KCNQ1OT1: variants seen among roughly 807,000 people sequenced by gnomAD.
KCNQ1OT1 encodes KCNQ1 opposite strand/antisense transcript 1, also known as KCNQ1 antisense RNA 2 (non-protein coding).
Position 2,683,276 on chromosome 11 carries a change from G to A in KCNQ1OT1, n.16719C>T, listed in dbSNP as rs1369030426. On this transcript the variant is annotated non_coding_transcript_exon_variant, in exon 1 of 1. Transcript: ENST00000597346. This position sits in a 1 kb window ranked among gnomAD's most constrained non-coding sequence, Gnocchi z 4.7. ...TCCAGAACCTGTCAGCCTGAGTATGGGCAATGGCGTTTTAGTTTGCAAAAC... is the reference window on the plus strand; with the variant it reads ...TCCAGAACCTGTCAGCCTGAGTATGAGCAATGGCGTTTTAGTTTGCAAAAC... The A allele has an allele frequency of 2.5e-6, 1 of 398,416 alleles. No homozygotes were observed. Among genetic ancestry groups the A allele is most frequent in the East Asian group, 3.6e-5 (1 of 28,074 alleles). 24.7% of individuals were successfully genotyped at this position (398,416 alleles called of 1,614,324 possible). A position where few individuals can be genotyped will look rare whatever the true frequency, so the allele number is the denominator to read the frequency against.
exon 1 of KCNQ1OT1, chr11:2,630,746 G>C (rs1263051864): frequency 5.0e-6 from 2 of 398,206 alleles, no homozygotes; most frequent in African/African-American, 4.1e-5. Flanking sequence ...ACTCCCTCTG[G>C]CATATCTTGT....
At chr11:2,641,770 A>G in exon 1 of KCNQ1OT1, 2 of 398,424 alleles carry the variant, frequency 5.0e-6, no homozygotes, top group Non-Finnish European at 4.4e-6. Flanking sequence ...TTATAGTTTC[A>G]TGCCTCATGT....
At chr11:2,630,331 T>G (rs1198390372) in exon 1 of KCNQ1OT1, 1 of 398,186 alleles carries the variant, frequency 2.5e-6, no homozygotes, top group African/African-American at 2.1e-5. Context: ...GTTGAAAATT[T>G]TTAAATGTAT....
At position 2,698,265 on chromosome 11, in the gene KCNQ1OT1, C is replaced by T. The variant is rs1179947993; in HGVS notation, n.1730G>A. On this transcript the variant is annotated non_coding_transcript_exon_variant, in exon 1 of 1. Transcript: ENST00000597346. The surrounding 1 kb of genome is among the most constrained non-coding windows in gnomAD (Gnocchi z 5.1). ...GAAAGTTTTTATACTTTGTGATAAT[C>T]TAAGACAGAACTATTCTACCTGGAT... is the stretch of plus-strand genomic sequence containing the variant. 7.5e-6 allele frequency: 3 copies of T among 398,518 alleles called. No homozygotes were observed. The highest frequency in any genetic ancestry group is 1.3e-5 in the Non-Finnish European group (3 of 226,070). 24.7% of individuals were successfully genotyped at this position (398,518 alleles called of 1,614,324 possible).
Position 2,621,226 on chromosome 11 carries a change from C to CTGT in KCNQ1OT1, n.78768_78769insACA, listed in dbSNP as rs1849166853. The CTGT allele has an allele frequency of 1.8e-5, 7 of 397,888 alleles. No individual in the cohort carries two copies. The highest frequency in any genetic ancestry group is 4.4e-5 in the Admixed American group (1 of 22,708). The allele number at this position is 397,888 out of a possible 1,614,324, so 24.6% of individuals were successfully genotyped here. On this transcript the variant is annotated non_coding_transcript_exon_variant, in exon 1 of 1. Transcript: ENST00000597346. This position sits in a 1 kb window ranked among gnomAD's most constrained non-coding sequence, Gnocchi z 5.7. Reference sequence around the variant, plus strand: ...TACCTGACCCCAGATGATCCACGCACCTCAGCCTCCCAAAGTGCTAGGACT... The same window carrying CTGT: ...TACCTGACCCCAGATGATCCACGCACTGTCTCAGCCTCCCAAAGTGCTAGGACT...
rs185302501 is a variant in KCNQ1OT1, at chr11:2,627,871, C to T, written n.72124G>A. 507 of 398,768 alleles carry T rather than the reference C, an allele frequency of 1.3e-3. 3 individuals are homozygous for T. Among genetic ancestry groups the T allele is most frequent in the Admixed American group, 2.1e-3 (47 of 22,742 alleles). The allele number at this position is 398,768 out of a possible 1,614,324, so 24.7% of individuals were successfully genotyped here. ...GCTCAAGTGATCCTCCTGCCTCAGC[C>T]TCCTGAGTAGCTGGGACCACAGTCA... On this transcript the variant is annotated non_coding_transcript_exon_variant, in exon 1 of 1. Coordinates refer to ENST00000597346, the Ensembl canonical transcript of KCNQ1OT1. This position sits in a 1 kb window ranked among gnomAD's most constrained non-coding sequence, Gnocchi z 4.9.
chr11:2,694,274 A>G (rs1299930401), exon 1 of KCNQ1OT1: 2 of 398,578 alleles, frequency 5.0e-6, no homozygotes, highest in Non-Finnish European at 8.8e-6. Flanking sequence ...GAGCCACAGC[A>G]GAGACACCAT....
At chr11:2,685,391 A>G (rs892237417) in exon 1 of KCNQ1OT1, 4 of 398,558 alleles carry the variant, frequency 1.0e-5, no homozygotes, top group Non-Finnish European at 1.8e-5. Context: ...GGCAGGGGAT[A>G]GATGTGTTTC....
At position 2,670,971 on chromosome 11, in the gene KCNQ1OT1, C is replaced by T. The variant is rs1039928310; in HGVS notation, n.29024G>A. On this transcript the variant is annotated non_coding_transcript_exon_variant, in exon 1 of 1. Coordinates refer to ENST00000597346, the Ensembl canonical transcript of KCNQ1OT1. The surrounding 1 kb of genome is among the most constrained non-coding windows in gnomAD (Gnocchi z 4.9). ...TGCCTTCTTATGGTGCCCCAGAGCC[C>T]CTGGCTAGGCATTCATGCTTTAGAT... The T allele has an allele frequency of 7.5e-6, 3 of 398,502 alleles. No individual in the cohort carries two copies. The highest frequency in any genetic ancestry group is 6.2e-5 in the African/African-American group (3 of 48,616). 24.7% of individuals were successfully genotyped at this position (398,502 alleles called of 1,614,324 possible).
At chr11:2,630,073 T>C (rs530997227) in exon 1 of KCNQ1OT1, 4 of 398,416 alleles carry the variant, frequency 1.0e-5, no homozygotes, top group East Asian at 7.1e-5. Flanking sequence ...ATGGCCTTTA[T>C]TGTGTTGCAG....
At chr11:2,672,004 G>A (rs1258214343) in exon 1 of KCNQ1OT1, 1 of 398,510 alleles carries the variant, frequency 2.5e-6, no homozygotes, top group African/African-American at 2.1e-5. Context: ...GTCCTCGAGT[G>A]TATGTTGGGC....
Position 2,657,421 on chromosome 11 carries a change from A to G in KCNQ1OT1, n.42574T>C, listed in dbSNP as rs757094441. 9.8e-5 allele frequency: 39 copies of G among 398,420 alleles called. No homozygotes were observed. The highest frequency in any genetic ancestry group is 1.5e-4 in the Non-Finnish European group (34 of 226,046). 24.7% of individuals were successfully genotyped at this position (398,420 alleles called of 1,614,324 possible). A position where few individuals can be genotyped will look rare whatever the true frequency, so the allele number is the denominator to read the frequency against. ...ACAATTTTCTCCAGAGTTCTTGCAT[A>G]TACTTAGTTAGATAATTAATATTCT... On this transcript the variant is annotated non_coding_transcript_exon_variant, in exon 1 of 1. Coordinates refer to ENST00000597346, the Ensembl canonical transcript of KCNQ1OT1. This position sits in a 1 kb window ranked among gnomAD's most constrained non-coding sequence, Gnocchi z 4.8.
At position 2,616,173 on chromosome 11, in the gene KCNQ1OT1, C is replaced by T. The variant is rs1376525042; in HGVS notation, n.83822G>A. The T allele has an allele frequency of 1.8e-5, 7 of 396,080 alleles. No individual in the cohort carries two copies. The East Asian group carries it at 2.5e-4, about 14-fold the overall frequency. The allele number at this position is 396,080 out of a possible 1,614,324, so 24.5% of individuals were successfully genotyped here. ...TATTCTTTTATCACACTTTTTATTT[C>T]TGTAAGATCAGTTATATCGTTCCCA... On this transcript the variant is annotated non_coding_transcript_exon_variant, in exon 1 of 1. Coordinates refer to ENST00000597346, the Ensembl canonical transcript of KCNQ1OT1.
At position 2,671,677 on chromosome 11, in the gene KCNQ1OT1, A is replaced by C. The variant is rs539089238; in HGVS notation, n.28318T>G. The C allele has an allele frequency of 7.5e-6, 3 of 398,624 alleles. No individual in the cohort carries two copies. The highest frequency in any genetic ancestry group is 2.1e-5 in the African/African-American group (1 of 48,614). 24.7% of individuals were successfully genotyped at this position (398,624 alleles called of 1,614,324 possible). A position where few individuals can be genotyped will look rare whatever the true frequency, so the allele number is the denominator to read the frequency against. The stretch of plus-strand genomic sequence containing the variant: ...GAAACTGAGGCAGAGAGCAGGGGTG[A>C]CTTTGCAAGGCAATAGAGGGTACTT... On this transcript the variant is annotated non_coding_transcript_exon_variant, in exon 1 of 1. Coordinates refer to ENST00000597346, the Ensembl canonical transcript of KCNQ1OT1. This position sits in a 1 kb window ranked among gnomAD's most constrained non-coding sequence, Gnocchi z 4.7.
rs897821378 is a variant in KCNQ1OT1, at chr11:2,642,548, G to T, written n.57447C>A. On this transcript the variant is annotated non_coding_transcript_exon_variant, in exon 1 of 1. Transcript: ENST00000597346. The surrounding 1 kb of genome is among the most constrained non-coding windows in gnomAD (Gnocchi z 4.3). ...CTTTTTCATTTTTGATTTTATTCATGTAGGTCTTCTCTCTTTTCTTCTTGG... is the reference window on the plus strand; with the variant it reads ...CTTTTTCATTTTTGATTTTATTCATTTAGGTCTTCTCTCTTTTCTTCTTGG... The T allele has an allele frequency of 3.0e-5, 12 of 397,670 alleles. No individual in the cohort carries two copies. The highest frequency in any genetic ancestry group is 2.5e-4 in the African/African-American group (12 of 48,550). 24.6% of individuals were successfully genotyped at this position (397,670 alleles called of 1,614,324 possible). A position where few individuals can be genotyped will look rare whatever the true frequency, so the allele number is the denominator to read the frequency against.
exon 1 of KCNQ1OT1, chr11:2,641,916 A>T: frequency 2.5e-6 from 1 of 398,436 alleles, no homozygotes; most frequent in Non-Finnish European, 4.4e-6. Context: ...TGTTCTTGGC[A>T]TCTTTGTCAA....
Position 2,663,798 on chromosome 11 carries a change from ACTATGGGGGTGAG to A in KCNQ1OT1, n.36184_36196del. On this transcript the variant is annotated non_coding_transcript_exon_variant, in exon 1 of 1. Transcript: ENST00000597346. The surrounding 1 kb of genome is among the most constrained non-coding windows in gnomAD (Gnocchi z 5.2). ...ACTTGCAGCTGCCCAGTAAATCACCACTATGGGGGTGAGGGCTGCCAGTGCTGGTATCAGCACA... is the reference window on the plus strand; with the variant it reads ...ACTTGCAGCTGCCCAGTAAATCACCAGGCTGCCAGTGCTGGTATCAGCACA... 2.5e-6 allele frequency: 1 copy of A among 398,542 alleles called. No homozygotes were observed. Among genetic ancestry groups the A allele is most frequent in the Admixed American group, 4.4e-5 (1 of 22,730 alleles). 24.7% of individuals were successfully genotyped at this position (398,542 alleles called of 1,614,324 possible).
chr11:2,691,450 T>G lies in KCNQ1OT1; in HGVS notation n.8545A>C, dbSNP rs557370292. 1.5e-5 allele frequency: 6 copies of G among 398,638 alleles called. No homozygotes were observed. In the South Asian group the frequency reaches 7.6e-4, roughly 51 times the overall value. The allele number at this position is 398,638 out of a possible 1,614,324, so 24.7% of individuals were successfully genotyped here. A position where few individuals can be genotyped will look rare whatever the true frequency, so the allele number is the denominator to read the frequency against. On this transcript the variant is annotated non_coding_transcript_exon_variant, in exon 1 of 1. Transcript: ENST00000597346. This position sits in a 1 kb window ranked among gnomAD's most constrained non-coding sequence, Gnocchi z 6.4. ...TGAAGCTCCCTGCCCCCACTGAGTCTCTGATGTTGACAGCCTCTTTGTTTT... is the reference window on the plus strand; with the variant it reads ...TGAAGCTCCCTGCCCCCACTGAGTCGCTGATGTTGACAGCCTCTTTGTTTT...
rs958641066 is a variant in KCNQ1OT1, at chr11:2,626,029, A to G, written n.73966T>C. On this transcript the variant is annotated non_coding_transcript_exon_variant, in exon 1 of 1. Coordinates refer to ENST00000597346, the Ensembl canonical transcript of KCNQ1OT1. The surrounding 1 kb of genome is among the most constrained non-coding windows in gnomAD (Gnocchi z 4.0). ...AGTTGATATTATTTTAATGCACACA[A>G]TGTAAATTTTTAAAATTTATCTAGT... The G allele has an allele frequency of 1.3e-5, 5 of 398,528 alleles. No homozygotes were observed. Among genetic ancestry groups the G allele is most frequent in the Admixed American group, 8.8e-5 (2 of 22,720 alleles). The allele number at this position is 398,528 out of a possible 1,614,324, so 24.7% of individuals were successfully genotyped here.
Sources: allele counts gnomAD v4.1 joint callset, GRCh38; gene constraint gnomAD v4.1.1; non-coding constraint Gnocchi (gnomAD v3.1); transcripts MANE v1.5; gene names NCBI Gene and HGNC (gene_info 2026-07-23, HGNC 2026-07-21).